IMPDH1: variants seen among roughly 807,000 people sequenced by gnomAD.
The protein encoded by IMPDH1 is inosine-5'-monophosphate dehydrogenase 1.
Under a neutral mutation model 73.5 loss-of-function variants are expected in IMPDH1, and 41 were observed. That is an observed-to-expected ratio of 0.56 (90% CI 0.43 to 0.72). The LOEUF is 0.72. IMPDH1 is among the 30% of genes least tolerant of loss of function. The pLI, the probability that IMPDH1 is intolerant of heterozygous loss-of-function variation, is 0.00. For synonymous variants in IMPDH1, 318 were observed against 334.3 expected, an observed-to-expected ratio of 0.95 and a Z score of 0.53; for missense variants, 645 against 824.8, an observed-to-expected ratio of 0.78 and a Z score of 2.67.
chr7:128,400,056 T>A (rs764955004), intron 9 of IMPDH1, 39 bp downstream of exon 9: 3 of 1,456,666 alleles, frequency 2.1e-6, no homozygotes, highest in Non-Finnish European at 2.9e-6. Context: ...GGACAGGGAG[T>A]CAGGCTGGGG....
At chr7:128,408,883 C>T (rs1490928045) in intron 3 of IMPDH1, among the ~76,000 whole-genome samples, 1 of 152,176 alleles carries the variant, frequency 6.6e-6, no homozygotes, top group African/African-American at 2.4e-5. Flanking sequence ...AGCCCCACTG[C>T]CGAGGAGCCC....
rs1562990532 is a variant in IMPDH1, at chr7:128,398,801, GAGCAAAGA to G, written c.875-196_875-189del. ...CCTAGCCCTCTTCCCAAGGAACAGG[GAGCAAAGA>G]AATCTTTCAGCCCAGCAGGTTCCTG... On this transcript the variant is annotated intron_variant, in intron 9 of 16. Transcript: ENST00000338791. The surrounding 1 kb of genome is among the most constrained non-coding windows in gnomAD (Gnocchi z 4.3). Among the ~76,000 whole-genome samples the G allele has an allele frequency of 6.6e-6, 1 of 152,198 alleles. No homozygotes were observed. The highest frequency in any genetic ancestry group is 1.5e-5 in the Non-Finnish European group (1 of 68,030).
rs532990799 is a variant in IMPDH1 at position 128,396,335 on chromosome 7, T to C, written c.1261+265A>G. Among the ~76,000 whole-genome samples, 2 of 152,284 alleles carry C rather than the reference T, an allele frequency of 1.3e-5. No individual in the cohort carries two copies. The highest frequency in any genetic ancestry group is 4.8e-5 in the African/African-American group (2 of 41,560). ...AACCCTGAGGTTCCAACAAGCCCCA[T>C]GGACAGTCACACCAGCCCCAGGCCC... On this transcript the variant is annotated intron_variant, in intron 12 of 16. Coordinates refer to ENST00000338791, the MANE Select transcript of IMPDH1 (RefSeq NM_000883.4). The surrounding 1 kb of genome is among the most constrained non-coding windows in gnomAD (Gnocchi z 4.0).
At chr7:128,404,707 A>G (rs1320112451) in intron 4 of IMPDH1, among the ~76,000 whole-genome samples, 1 of 152,168 alleles carries the variant, frequency 6.6e-6, no homozygotes, top group Admixed American at 6.6e-5. Flanking sequence ...AGAAGACTTC[A>G]ATGACAACTG....
rs771894509 is a variant in IMPDH1, at chr7:128,403,739, G to GAGAATC, written c.363_368dup (p.Ile122_Leu123dup). 14 of 1,614,094 alleles carry GAGAATC rather than the reference G, an allele frequency of 8.7e-6. No homozygotes were observed. The highest frequency in any genetic ancestry group is 1.3e-5 in the African/African-American group (1 of 75,050). On this transcript the variant is annotated inframe_insertion, in exon 5 of 17. Transcript: ENST00000338791. ...CAGCTATGAAGTCTATGAATCCTGGGAGAATCAGGAAGTCGCTGTGAAGAC... is the reference window on the plus strand; with the variant it reads ...CAGCTATGAAGTCTATGAATCCTGGGAGAATCAGAATCAGGAAGTCGCTGTGAAGAC...
At position 128,398,611 on chromosome 7, in the gene IMPDH1, T is replaced by G. The variant is rs746382453; in HGVS notation, c.877A>C (p.Lys293Gln). 1 of 1,612,678 alleles carries G rather than the reference T, an allele frequency of 6.2e-7. No individual in the cohort carries two copies. The highest frequency in any genetic ancestry group is 1.1e-5 in the South Asian group (1 of 91,058). ...TCGCAATCATTGACGATAGGCAGCT[T>G]CCCTGACAAGGAATGCAGGGGTGAA... is the stretch of plus-strand genomic sequence containing the variant. Reference protein sequence around the residue: ...NEILQRSKKGKLPIVNDCDEL... With the variant: ...NEILQRSKKGQLPIVNDCDEL... Residue 293 changes from lysine to glutamine, a missense_variant and splice_region_variant, in exon 10 of 17, where the codon AAG becomes CAG. Transcript: ENST00000338791. This position sits in a 1 kb window ranked among gnomAD's most constrained non-coding sequence, Gnocchi z 4.3.
Position 128,392,599 on chromosome 7 carries a change from G to T in IMPDH1, c.*408C>A, listed in dbSNP as rs1797609603. ...CACATGGCTGAGGGGCAGCGGCCCG[G>T]GAAGGGCCAGAGGCAGGGCCAGGAG... On this transcript the variant is annotated 3_prime_UTR_variant, in exon 17 of 17. Transcript: ENST00000338791. 4.7e-6 allele frequency: 1 copy of T among 211,694 alleles called. No individual in the cohort carries two copies. The highest frequency in any genetic ancestry group is 9.6e-6 in the Non-Finnish European group (1 of 104,234). The allele number at this position is 211,694 out of a possible 1,614,324, so 13.1% of individuals were successfully genotyped here. A position where few individuals can be genotyped will look rare whatever the true frequency, so the allele number is the denominator to read the frequency against.
At chr7:128,401,914 C>T (rs10247945) in intron 5 of IMPDH1, among the ~76,000 whole-genome samples, 18,880 of 152,148 alleles carry the variant, frequency 0.12, 1,217 homozygotes, top group Middle Eastern at 0.15. Flanking sequence ...GTCCCCAAGA[C>T]ATTTGTGCAG....
Position 128,392,597 on chromosome 7 carries a change from C to T in IMPDH1, c.*410G>A, listed in dbSNP as rs530960760. 8.1e-4 allele frequency: 170 copies of T among 210,290 alleles called. No homozygotes were observed. The highest frequency in any genetic ancestry group is 3.4e-3 in the African/African-American group (147 of 42,912). 13.0% of individuals were successfully genotyped at this position (210,290 alleles called of 1,614,324 possible). On this transcript the variant is annotated 3_prime_UTR_variant, in exon 17 of 17. Transcript: ENST00000338791. ...GCCACATGGCTGAGGGGCAGCGGCC[C>T]GGGAAGGGCCAGAGGCAGGGCCAGG...
At chr7:128,401,919 G>T (rs1471216664) in intron 5 of IMPDH1, among the ~76,000 whole-genome samples, 4 of 152,172 alleles carry the variant, frequency 2.6e-5, no homozygotes, top group Non-Finnish European at 1.5e-5. Context: ...CAAGACATTT[G>T]TGCAGACTTT....
chr7:128,399,760 C>T (rs947772701), intron 9 of IMPDH1, among the ~76,000 whole-genome samples: 3 of 151,970 alleles, frequency 2.0e-5, no homozygotes, highest in African/African-American at 7.3e-5. Flanking sequence ...ATAAATTTAA[C>T]TGCAGGACTT....
chr7:128,403,558 CAAAA>C (rs879132945), intron 5 of IMPDH1, 144 bp downstream of exon 5: 1,364 of 465,478 alleles, frequency 2.9e-3, no homozygotes, highest in East Asian at 3.5e-3. Flanking sequence ...ACTCTGTCTC[CAAAA>C]AAAAAAAAAA....
intron 4 of IMPDH1, among the ~76,000 whole-genome samples, 153 bp from the exon 5 acceptor site, chr7:128,403,907 C>T (rs1798520969): frequency 6.6e-6 from 1 of 152,220 alleles, no homozygotes; most frequent in Admixed American, 6.5e-5. Flanking sequence ...CAGGGCAGTT[C>T]CCACCTCGTG....
At chr7:128,402,695 AG>A (rs61459409) in intron 5 of IMPDH1, among the ~76,000 whole-genome samples, 21,339 of 152,178 alleles carry the variant, frequency 0.14, 1,604 homozygotes, top group South Asian at 0.22. Flanking sequence ...CAATAATAAT[AG>A]CAACAGAAAA....
Position 128,393,042 on chromosome 7 carries a change from G to A in IMPDH1, c.1779-14C>T. The stretch of plus-strand genomic sequence containing the variant: ...CGCTTTTCGTAACTGTGGGGACAAG[G>A]CAAGAGGGGGAACAAGAGTGGGTGT... On this transcript the variant is annotated splice_polypyrimidine_tract_variant and intron_variant, in intron 16 of 16. Coordinates refer to ENST00000338791, the MANE Select transcript of IMPDH1 (RefSeq NM_000883.4). 6.2e-7 allele frequency: 1 copy of A among 1,613,836 alleles called. No individual in the cohort carries two copies. The highest frequency in any genetic ancestry group is 1.3e-5 in the African/African-American group (1 of 75,036).
At chr7:128,393,068 G>A in intron 16 of IMPDH1, 40 bp from the exon 17 acceptor site, 3 of 1,611,954 alleles carry the variant, frequency 1.9e-6, no homozygotes, top group East Asian at 2.2e-5. Flanking sequence ...GAGTGGGTGT[G>A]TGGACCCTGC....
intron 1 of IMPDH1, 95 bp downstream of exon 1, chr7:128,409,661 C>A: frequency 6.6e-7 from 1 of 1,507,172 alleles, no homozygotes. Flanking sequence ...TGGGGCCTGC[C>A]CCTCCCCCGC....
rs992154664 is a variant in IMPDH1 at position 128,394,589 on chromosome 7, T to C, written c.1561A>G (p.Lys521Glu). 9.9e-6 allele frequency: 16 copies of C among 1,613,644 alleles called. No homozygotes were observed. Among genetic ancestry groups the C allele is most frequent in the Non-Finnish European group, 1.1e-5 (13 of 1,180,008 alleles). Residue 521 changes from lysine to glutamate, a missense_variant, in exon 15 of 17, where the codon AAA becomes GAA. Around this residue, in one of 2 missense-constraint regions of IMPDH1, gnomAD observed 459 missense variants for 638.2 expected, o/e 0.72. Coordinates refer to ENST00000338791, the MANE Select transcript of IMPDH1 (RefSeq NM_000883.4). This position sits in a 1 kb window ranked among gnomAD's most constrained non-coding sequence, Gnocchi z 5.5. ...SQKRYFSEGDKVKIAQGVSGS... is the reference protein window; with the variant it reads ...SQKRYFSEGDEVKIAQGVSGS... ...GAGACACCCTGCGCGATCTTCACTT[T>C]ATCCCCCTCGCTGCGTGGAGGGTGG...
intron 3 of IMPDH1, 65 bp from the exon 4 acceptor site, chr7:128,405,930 T>C (rs1464650397): frequency 1.6e-5 from 23 of 1,424,388 alleles, no homozygotes; most frequent in East Asian, 1.3e-4. Flanking sequence ...CCGCCGCTGC[T>C]GCTGCTGCTA....
Sources: allele counts gnomAD v4.1 joint callset (sites outside exome capture counted in the v4.1 genomes callset), GRCh38; gene constraint gnomAD v4.1.1; regional missense constraint gnomAD v4.1.1; non-coding constraint Gnocchi (gnomAD v3.1); transcripts MANE v1.5; gene names NCBI Gene and HGNC (gene_info 2026-07-23, HGNC 2026-07-21).